Variants in DPYD observed in about 807,000 individuals in gnomAD.
DPYD encodes dihydropyrimidine dehydrogenase, also known as dihydropyrimidine dehydrogenase [NADP(+)].
DPYD carries 109 observed loss-of-function variants against 116.2 expected under a neutral mutation model. The ratio of observed to expected loss-of-function variants is 0.94; its 90% CI spans 0.80 to 1.10. The LOEUF is 1.10. Ranked by LOEUF, DPYD falls within the 50% of genes least tolerant of loss-of-function variation. DPYD has a pLI of 0.00. For missense variants in DPYD, 1,302 were observed against 1,254.5 expected (o/e 1.04, Z -0.57); for synonymous variants, 440 against 432.0 (o/e 1.02, Z -0.23).
chr1:97,397,848 T>G (rs1201064455), intron 14 of DPYD, among the ~76,000 whole-genome samples: 2 of 152,068 alleles, frequency 1.3e-5, no homozygotes, highest in African/African-American at 2.4e-5. Flanking sequence ...TGTGGAAATA[T>G]AAGTTTTCAA....
intron 10 of DPYD, among the ~76,000 whole-genome samples, chr1:97,592,221 G>A (rs1227828688): frequency 2.0e-5 from 3 of 152,102 alleles, no homozygotes; most frequent in African/African-American, 4.8e-5. Flanking sequence ...TTTGGTTCTT[G>A]TTCTCAGAAC....
At chr1:97,457,340 A>G (rs1331284351) in intron 13 of DPYD, among the ~76,000 whole-genome samples, 2 of 152,132 alleles carry the variant, frequency 1.3e-5, no homozygotes, top group African/African-American at 4.8e-5. Context: ...GGTGTCTTAT[A>G]CCACAGAAAT....
At chr1:97,114,765 C>T (rs1651848706) in intron 20 of DPYD, among the ~76,000 whole-genome samples, 1 of 152,078 alleles carries the variant, frequency 6.6e-6, no homozygotes, top group African/African-American at 2.4e-5. Flanking sequence ...AAAAACCCAT[C>T]ATATTCAATA....
intron 3 of DPYD, among the ~76,000 whole-genome samples, chr1:97,807,128 T>C (rs1213089013): frequency 2.0e-5 from 3 of 152,104 alleles, no homozygotes; most frequent in Non-Finnish European, 4.4e-5. Context: ...AACATCCGTG[T>C]GCAGGTTTTT....
chr1:97,624,564 C>G (rs111885692), intron 8 of DPYD, among the ~76,000 whole-genome samples: 3 of 151,926 alleles, frequency 2.0e-5, no homozygotes, highest in African/African-American at 7.2e-5. Context: ...GGCAGTTCCT[C>G]GAAAAACTGG....
chr1:97,480,241 T>C (rs1168173767), intron 13 of DPYD, among the ~76,000 whole-genome samples: 8 of 151,782 alleles, frequency 5.3e-5, no homozygotes, highest in Non-Finnish European at 5.9e-5. Flanking sequence ...AATATCAAAC[T>C]GAGAAAAAAA....
At chr1:97,735,510 A>G (rs1314857224) in intron 4 of DPYD, among the ~76,000 whole-genome samples, 1 of 145,368 alleles carries the variant, frequency 6.9e-6, no homozygotes, top group African/African-American at 2.5e-5. Flanking sequence ...CCCTGCCTCT[A>G]ATAAAAATAC....
intron 19 of DPYD, among the ~76,000 whole-genome samples, chr1:97,223,044 A>G (rs2101895809): frequency 6.6e-6 from 1 of 152,168 alleles, no homozygotes; most frequent in Non-Finnish European, 1.5e-5. Context: ...TGAAGCAATG[A>G]AGCCTCTGTG....
chr1:97,348,735 G>A (rs1669981499), intron 16 of DPYD, among the ~76,000 whole-genome samples: 1 of 152,124 alleles, frequency 6.6e-6, no homozygotes, highest in South Asian at 2.1e-4. Flanking sequence ...TAAAGACCTT[G>A]CCCTTAGAAA....
intron 16 of DPYD, among the ~76,000 whole-genome samples, chr1:97,357,554 A>C (rs1670487686): frequency 6.6e-6 from 1 of 152,086 alleles, no homozygotes; most frequent in Non-Finnish European, 1.5e-5. Context: ...TTTAAAACAG[A>C]CTTACGGGAT....
chr1:97,828,248 G>T (rs991245712), intron 2 of DPYD, 52 bp from the exon 3 acceptor site: 1 of 1,547,786 alleles, frequency 6.5e-7, no homozygotes, highest in Non-Finnish European at 8.9e-7. Context: ...GAGAAAAATT[G>T]TATCTATGCA....
In DPYD at chr1:97,079,101, T is replaced by C; in HGVS notation, c.2953A>G (p.Thr985Ala). 6.2e-7 allele frequency: 1 copy of C among 1,613,646 alleles called. No homozygotes were observed. Among genetic ancestry groups the C allele is most frequent in the African/African-American group, 1.3e-5 (1 of 74,976 alleles). The change falls in exon 23 of 23, where the codon ACT becomes GCT. Residue 985 changes from threonine to alanine, a missense_variant. By Grantham distance (58) the Thr-to-Ala change is moderately conservative. Coordinates refer to ENST00000370192, the MANE Select transcript of DPYD (RefSeq NM_000110.4). The stretch of plus-strand genomic sequence containing the variant: ...AGACACAGAGTACAGCCTGTACAAG[T>C]GTCGGTTATGGTGGGCAGGTGGGTT... ...PETHLPTITD[T>A]CTGCTLCLSV... is the part of the protein sequence containing the mutation.
At chr1:97,458,517 G>A (rs1191041596) in intron 13 of DPYD, among the ~76,000 whole-genome samples, 1 of 152,148 alleles carries the variant, frequency 6.6e-6, no homozygotes, top group Non-Finnish European at 1.5e-5. Flanking sequence ...CTATTGGGTG[G>A]TGTTTACCCT....
intron 10 of DPYD, among the ~76,000 whole-genome samples, chr1:97,590,464 G>A (rs780090559): frequency 1.9e-4 from 29 of 152,124 alleles, no homozygotes; most frequent in Non-Finnish European, 2.5e-4. Context: ...CTAAACAGGC[G>A]GAAGGTAAAA....
chr1:97,305,238 C>T, intron 18 of DPYD, 21 bp downstream of exon 18: 2 of 1,611,838 alleles, frequency 1.2e-6, no homozygotes, highest in Non-Finnish European at 1.7e-6. Flanking sequence ...AAGCACAATG[C>T]AAGAAGTGGG....
chr1:97,192,281 C>A (rs1407794254), intron 20 of DPYD, among the ~76,000 whole-genome samples: 1 of 152,094 alleles, frequency 6.6e-6, no homozygotes, highest in African/African-American at 2.4e-5. Flanking sequence ...ATGTGACCTG[C>A]TTCAAGTTAA....
chr1:97,769,330 G>C (rs1184443050), intron 3 of DPYD, among the ~76,000 whole-genome samples: 3 of 152,012 alleles, frequency 2.0e-5, no homozygotes, highest in Non-Finnish European at 2.9e-5. Flanking sequence ...GTGGTAACAG[G>C]CTTCTTCTTT....
At chr1:97,575,821 T>A (rs1167136109) in intron 10 of DPYD, among the ~76,000 whole-genome samples, 1 of 152,180 alleles carries the variant, frequency 6.6e-6, no homozygotes, top group Non-Finnish European at 1.5e-5. Context: ...TGTGTGGTGT[T>A]ACTTAAAACA....
chr1:97,323,568 CACGTATATATACATATCATATATACATAT>C (rs1430397736), intron 16 of DPYD, among the ~76,000 whole-genome samples: 3 of 96,714 alleles, frequency 3.1e-5, no homozygotes, highest in African/African-American at 1.2e-4. Context: ...TGTATATATA[CACGTATATATACATATCATATATACATAT>C]ATGTGTATAT....
Sources: allele counts gnomAD v4.1 joint callset (sites outside exome capture counted in the v4.1 genomes callset), GRCh38; gene constraint gnomAD v4.1.1; transcripts MANE v1.5; gene names NCBI Gene and HGNC (gene_info 2026-07-23, HGNC 2026-07-21).